The following KIF5C variants were observed in gnomAD, a reference collection of about 807,000 sequenced individuals.
The protein encoded by KIF5C is kinesin heavy chain isoform 5C.
A neutral mutation model predicts 125.2 loss-of-function variants in KIF5C; 18 were observed. That is an observed-to-expected ratio of 0.14 (90% confidence interval 0.10 to 0.21). The LOEUF (loss-of-function observed/expected upper bound fraction) is 0.21. Ranked by LOEUF, KIF5C falls within the 10% of genes least tolerant of loss-of-function variation. The probability of loss-of-function intolerance (pLI) is 1.00; values close to 1 mark genes in which losing one functional copy is unlikely to be tolerated. For synonymous variants in KIF5C, 405 were observed against 434.0 expected (o/e 0.93, Z 0.83); for missense variants, 780 against 1,183.8 (o/e 0.66, Z 5.01).
chr2:149,009,984 A>T, intron 23 of KIF5C, 151 bp from the exon 24 acceptor site: 2 of 1,296,244 alleles, frequency 1.5e-6, no homozygotes, highest in Non-Finnish European at 2.1e-6. Flanking sequence ...CCACAGTCTG[A>T]GTTTTCCTTT....
At position 149,024,636 on chromosome 2, in the gene KIF5C, C is replaced by T. The variant is rs538328789; in HGVS notation, c.*1566C>T. On this transcript the variant is annotated 3_prime_UTR_variant, in exon 26 of 26. Transcript: ENST00000435030. ...TACAAAATTTCCCTAGCAAAGCAAA[C>T]CTGCTTTGACTTAATTTATTTGTTA... 6.6e-6 allele frequency: 1 copy of T among 151,902 alleles called. No homozygotes were observed. The highest frequency in any genetic ancestry group is 2.1e-4 in the South Asian group (1 of 4,794). The allele number at this position is 151,902 out of a possible 1,614,324, so 9.4% of individuals were successfully genotyped here. A position where few individuals can be genotyped will look rare whatever the true frequency, so the allele number is the denominator to read the frequency against.
At position 148,991,036 on chromosome 2, in the gene KIF5C, G is replaced by A; in HGVS notation, c.1743G>A (p.Glu581=). 6.2e-7 allele frequency: 1 copy of A among 1,613,622 alleles called. No homozygotes were observed. Among genetic ancestry groups the A allele is most frequent in the East Asian group, 2.2e-5 (1 of 44,862 alleles). ...KTLADVNGVI[E]EEFTMARLYI... ...TGGCAGATGTGAATGGAGTCATTGA[G>A]GAGGAGTTTACCATGGCCCGCCTGT... The change falls in exon 16 of 26, where the codon GAG becomes GAA. Residue 581 remains glutamate (E), a synonymous_variant. Coordinates refer to ENST00000435030, the MANE Select transcript of KIF5C (RefSeq NM_004522.3).
chr2:148,990,808 G>C (rs1187031512), intron 15 of KIF5C, among the ~76,000 whole-genome samples: 1 of 152,202 alleles, frequency 6.6e-6, no homozygotes, highest in East Asian at 1.9e-4. Context: ...ATTATATTTA[G>C]TAGGGGGTTT....
At chr2:148,957,643 C>T (rs1301534667) in intron 10 of KIF5C, among the ~76,000 whole-genome samples, 1 of 146,440 alleles carries the variant, frequency 6.8e-6, no homozygotes, top group Non-Finnish European at 1.5e-5. Flanking sequence ...CACAAAAATT[C>T]AGTATCTCTC....
intron 1 of KIF5C, among the ~76,000 whole-genome samples, chr2:148,892,140 T>A (rs1418389470): frequency 6.6e-6 from 1 of 152,236 alleles, no homozygotes; most frequent in East Asian, 1.9e-4. Context: ...TCCAGCATAG[T>A]GGGCTCCAGC....
chr2:148,920,401 T>C (rs1681735638), intron 1 of KIF5C, among the ~76,000 whole-genome samples: 1 of 152,230 alleles, frequency 6.6e-6, no homozygotes, highest in Non-Finnish European at 1.5e-5. Context: ...TGTAGTAGGC[T>C]GATAGTTGGC....
At chr2:148,932,865 A>G (rs534308306) in intron 3 of KIF5C, among the ~76,000 whole-genome samples, 1 of 152,238 alleles carries the variant, frequency 6.6e-6, no homozygotes, top group South Asian at 2.1e-4. Context: ...TTGGGAGGTC[A>G]AGGAGGCAAC....
intron 19 of KIF5C, 159 bp downstream of exon 19, chr2:148,998,668 C>G (rs1681750490): frequency 8.2e-7 from 1 of 1,225,964 alleles, no homozygotes; most frequent in African/African-American, 1.5e-5. Flanking sequence ...CTTCCAAGGT[C>G]TGTTCTCCGA....
chr2:148,983,845 C>A, intron 15 of KIF5C, 79 bp downstream of exon 15: 1 of 1,431,674 alleles, frequency 7.0e-7, no homozygotes, highest in South Asian at 1.7e-5. Context: ...TTTAAGCATT[C>A]AATGCTTAGC....
At chr2:148,976,559 C>T (rs889514232) in intron 12 of KIF5C, among the ~76,000 whole-genome samples, 5 of 150,322 alleles carry the variant, frequency 3.3e-5, no homozygotes, top group East Asian at 2.0e-4. Flanking sequence ...TGAGCCACCA[C>T]GCCTGGCCGC....
chr2:148,950,787 C>T (rs565648913), intron 10 of KIF5C, among the ~76,000 whole-genome samples: 49 of 147,584 alleles, frequency 3.3e-4, no homozygotes, highest in Non-Finnish European at 4.5e-4. Context: ...CCAGCCTGGG[C>T]GACAGAGCGA....
At chr2:148,918,551 C>T (rs547481110) in intron 1 of KIF5C, among the ~76,000 whole-genome samples, 1 of 152,182 alleles carries the variant, frequency 6.6e-6, no homozygotes, top group Admixed American at 6.5e-5. Flanking sequence ...GAATTGAGTT[C>T]TAAAGAGTAG....
At chr2:148,966,424 A>G (rs925756699) in intron 11 of KIF5C, among the ~76,000 whole-genome samples, 1 of 152,048 alleles carries the variant, frequency 6.6e-6, no homozygotes, top group Admixed American at 6.5e-5. Context: ...GTAACAATAC[A>G]AAGGAGTAGG....
chr2:148,939,213 A>ATTAATATTTTT (rs1682356212), intron 4 of KIF5C, among the ~76,000 whole-genome samples: 1 of 152,234 alleles, frequency 6.6e-6, no homozygotes, highest in Admixed American at 6.5e-5. Flanking sequence ...CTTTTCAATT[A>ATTAATATTTTT]TATTAAACTT....
At chr2:149,000,883 G>A in intron 21 of KIF5C, 101 bp downstream of exon 21, 2 of 1,561,202 alleles carry the variant, frequency 1.3e-6, no homozygotes, top group South Asian at 2.4e-5. Flanking sequence ...ACCTTTCTGT[G>A]TAATGTTTTA....
At position 148,876,584 on chromosome 2, in the gene KIF5C, CCTCT is replaced by C. The variant is rs1432465465; in HGVS notation, c.126+844_126+847del. On this transcript the variant is annotated intron_variant, in intron 1 of 25. Coordinates refer to ENST00000435030, the MANE Select transcript of KIF5C (RefSeq NM_004522.3). The surrounding 1 kb of genome is among the most constrained non-coding windows in gnomAD (Gnocchi z 4.7). ...ACTTCGTGCGGCTCGGACCCCCCTC[CCTCT>C]CTATCTCCCTTCCCCACCTTTTCTC... Among the ~76,000 whole-genome samples the C allele has an allele frequency of 2.6e-5, 4 of 152,108 alleles. No individual in the cohort carries two copies. Among genetic ancestry groups the C allele is most frequent in the Non-Finnish European group, 5.9e-5 (4 of 67,970 alleles).
At chr2:148,882,349 A>G (rs1681389434) in intron 1 of KIF5C, among the ~76,000 whole-genome samples, 1 of 152,196 alleles carries the variant, frequency 6.6e-6, no homozygotes, top group Non-Finnish European at 1.5e-5. Context: ...AGTCCACGGC[A>G]GGCATCCAGA....
intron 7 of KIF5C, among the ~76,000 whole-genome samples, chr2:148,943,867 T>C (rs1235141358): frequency 6.6e-6 from 1 of 152,240 alleles, no homozygotes; most frequent in Non-Finnish European, 1.5e-5. Context: ...ATGATATTCA[T>C]GTATATAGCA....
At chr2:148,890,680 C>T (rs1472461234) in intron 1 of KIF5C, among the ~76,000 whole-genome samples, 4 of 152,110 alleles carry the variant, frequency 2.6e-5, no homozygotes, top group Admixed American at 1.3e-4. Context: ...GTTGGTATTC[C>T]ACTCTATCCT....
Sources: gnomAD v4.1 joint callset for allele counts (sites outside exome capture counted in the v4.1 genomes callset) on GRCh38, gnomAD v4.1.1 for gene constraint, Gnocchi (gnomAD v3.1) non-coding constraint, MANE v1.5 for transcripts, NCBI Gene and HGNC (gene_info 2026-07-23, HGNC 2026-07-21) for gene names.